Variants in DIAPH2 observed in about 807,000 individuals in gnomAD.
The protein encoded by DIAPH2 is protein diaphanous homolog 2.
Under a neutral mutation model 92.7 loss-of-function variants are expected in DIAPH2, and 35 were observed. That is an observed-to-expected ratio of 0.38 (90% CI 0.29 to 0.50). The LOEUF (loss-of-function observed/expected upper bound fraction) is 0.50, where lower values mean the gene tolerates loss of function less well. DIAPH2 is among the 20% of genes least tolerant of loss of function. The pLI is 0.94. For missense variants in DIAPH2, 701 were observed against 819.5 expected (o/e 0.86, Z 1.77); for synonymous variants, 301 against 280.4 (o/e 1.07, Z -0.73).
chrX:97,466,150 A>G (rs961000416), intron 26 of DIAPH2, among the ~76,000 whole-genome samples: 4 of 112,036 alleles, frequency 3.6e-5, no homozygotes, highest in Non-Finnish European at 7.5e-5. Context: ...GTTTTGTAAA[A>G]CAAATCTATT....
intron 23 of DIAPH2, among the ~76,000 whole-genome samples, chrX:97,291,215 C>G (rs1013204767): frequency 9.0e-6 from 1 of 110,553 alleles, no homozygotes; most frequent in Non-Finnish European, 1.9e-5. Context: ...GGTGAAACCC[C>G]GTCTCTACTA....
rs200925409 is a variant in DIAPH2, at chrX:96,758,128, C to T, written c.343-26C>T. Reference sequence around the variant, plus strand: ...GCTCTTAAGTGGAAATTTATCAATGCCCACAGTAAATGTTATCTCTTACAG... The same window carrying T: ...GCTCTTAAGTGGAAATTTATCAATGTCCACAGTAAATGTTATCTCTTACAG... On this transcript the variant is annotated intron_variant, in intron 3 of 26. Coordinates refer to ENST00000324765, the MANE Select transcript of DIAPH2 (RefSeq NM_006729.5). The T allele has an allele frequency of 1.5e-4, 170 of 1,116,077 alleles. No homozygotes were observed. The African/African-American group carries it at 2.6e-3, about 17-fold the overall frequency. The allele number at this position is 1,116,077 out of a possible 1,213,427, so 92.0% of individuals were successfully genotyped here.
chrX:97,323,593 GAA>G (rs1199744995), intron 23 of DIAPH2, among the ~76,000 whole-genome samples: 2 of 23,268 alleles, frequency 8.6e-5, no homozygotes, highest in African/African-American at 1.7e-4. Flanking sequence ...TCCGTCTCAA[GAA>G]AAAAAAAAAA....
At chrX:96,888,032 C>T (rs1248119917) in intron 5 of DIAPH2, among the ~76,000 whole-genome samples, 5 of 108,138 alleles carry the variant, frequency 4.6e-5, no homozygotes, top group African/African-American at 1.7e-4. Flanking sequence ...CGTAGATTTA[C>T]GTTTTCAGCT....
intron 5 of DIAPH2, among the ~76,000 whole-genome samples, chrX:96,895,871 C>G (rs770571222): frequency 8.9e-6 from 1 of 112,216 alleles, no homozygotes; most frequent in Admixed American, 9.4e-5. Context: ...TGACCAATGT[C>G]TTTCATGTTG....
intron 26 of DIAPH2, among the ~76,000 whole-genome samples, chrX:97,570,070 CTTCTA>C (rs1447516358): frequency 1.9e-5 from 1 of 52,884 alleles, no homozygotes; most frequent in African/African-American, 7.5e-5. Context: ...TTCATAAGGC[CTTCTA>C]ATATATATAT....
chrX:97,135,359 C>T (rs761364140), intron 21 of DIAPH2, among the ~76,000 whole-genome samples: 12 of 110,419 alleles, frequency 1.1e-4, no homozygotes, highest in South Asian at 4.0e-4. Flanking sequence ...CCACCATGCC[C>T]GGCTAATTTT....
intron 26 of DIAPH2, among the ~76,000 whole-genome samples, chrX:97,511,926 G>A (rs1373191327): frequency 2.8e-4 from 32 of 112,882 alleles, no homozygotes; most frequent in African/African-American, 9.8e-4. Flanking sequence ...TTTTATTGAG[G>A]ATTTTTGCAT....
At chrX:97,351,695 C>T (rs746745745) in intron 24 of DIAPH2, among the ~76,000 whole-genome samples, 1 of 110,440 alleles carries the variant, frequency 9.1e-6, no homozygotes, top group East Asian at 2.8e-4. Context: ...CCCAGCTACT[C>T]GGGAGGCTGA....
intron 9 of DIAPH2, among the ~76,000 whole-genome samples, chrX:96,923,403 T>G (rs187694951): frequency 2.9e-4 from 32 of 111,945 alleles, no homozygotes; most frequent in Non-Finnish European, 5.8e-4. Flanking sequence ...ATTTAATAGA[T>G]TTGTCCTTTG....
chrX:97,243,219 A>G (rs950773846), intron 22 of DIAPH2, among the ~76,000 whole-genome samples: 1 of 109,311 alleles, frequency 9.1e-6, no homozygotes, highest in Non-Finnish European at 1.9e-5. Context: ...AACCTGAGAC[A>G]CTAAACAACC....
chrX:97,193,954 A>G (rs1176234189), intron 22 of DIAPH2, among the ~76,000 whole-genome samples: 1 of 111,750 alleles, frequency 8.9e-6, no homozygotes, highest in Non-Finnish European at 1.9e-5. Context: ...TCTTTTTGGT[A>G]TTCAGTGTAT....
At chrX:96,834,931 T>C (rs1257405630) in intron 4 of DIAPH2, among the ~76,000 whole-genome samples, 1 of 112,028 alleles carries the variant, frequency 8.9e-6, no homozygotes, top group Non-Finnish European at 1.9e-5. Context: ...CATTGCATAC[T>C]CTGTCATAAA....
At chrX:96,876,684 C>T (rs2065181503) in intron 4 of DIAPH2, among the ~76,000 whole-genome samples, 1 of 108,609 alleles carries the variant, frequency 9.2e-6, no homozygotes, top group Non-Finnish European at 1.9e-5. Flanking sequence ...ATCGCATGTT[C>T]TCACTCATAG....
At chrX:97,428,828 G>A (rs1161885321) in intron 25 of DIAPH2, among the ~76,000 whole-genome samples, 1 of 111,736 alleles carries the variant, frequency 8.9e-6, no homozygotes, top group African/African-American at 3.3e-5. Flanking sequence ...GAGACTTTCT[G>A]GCCATTGACA....
chrX:96,717,908 G>A (rs1000380529), intron 1 of DIAPH2, among the ~76,000 whole-genome samples: 49 of 95,058 alleles, frequency 5.2e-4, no homozygotes, highest in Admixed American at 2.1e-3. Context: ...TAATCACATT[G>A]GGGGAAATGG....
chrX:96,815,908 C>A (rs2064730509), intron 4 of DIAPH2, among the ~76,000 whole-genome samples: 1 of 111,146 alleles, frequency 9.0e-6, no homozygotes, highest in Non-Finnish European at 1.9e-5. Context: ...TGAGCTCAGG[C>A]AATGCGCCCA....
Position 96,918,669 on chromosome X carries a change from T to G in DIAPH2, c.978+52T>G, listed in dbSNP as rs2270522. ...TCTAGAGTTATATTTAGAGTACTCA[T>G]TTTGTATGACATCAACTCCATTTTA... On this transcript the variant is annotated intron_variant, in intron 9 of 26. Coordinates refer to ENST00000324765, the MANE Select transcript of DIAPH2 (RefSeq NM_006729.5). 5.9e-4 allele frequency: 526 copies of G among 884,733 alleles called. 3 individuals are homozygous for G. The East Asian group carries it at 0.017, about 28-fold the overall frequency. 72.9% of individuals were successfully genotyped at this position (884,733 alleles called of 1,213,427 possible). A position where few individuals can be genotyped will look rare whatever the true frequency, so the allele number is the denominator to read the frequency against.
chrX:97,034,688 A>T (rs1304417783), intron 17 of DIAPH2, among the ~76,000 whole-genome samples: 1 of 111,258 alleles, frequency 9.0e-6, no homozygotes, highest in Non-Finnish European at 1.9e-5. Context: ...AAAAAACTAG[A>T]TTCAGAACAT....
Sources: gnomAD v4.1 joint callset for allele counts (sites outside exome capture counted in the v4.1 genomes callset) on GRCh38, gnomAD v4.1.1 for gene constraint, MANE v1.5 for transcripts, NCBI Gene and HGNC (gene_info 2026-07-23, HGNC 2026-07-21) for gene names.